The following HDAC9 variants were observed in gnomAD, a reference collection of about 807,000 sequenced individuals.
The protein encoded by HDAC9 is histone deacetylase 9.
In HDAC9, 41 loss-of-function variants were observed where a neutral mutation model predicts 139.4. The observed-to-expected ratio is 0.29, with a 90% CI of 0.23 to 0.38. HDAC9 has a LOEUF of 0.38. HDAC9 is among the 10% of genes least tolerant of loss of function. The pLI, the probability that HDAC9 is intolerant of heterozygous loss-of-function variation, is 1.00. For synonymous variants in HDAC9, 517 were observed against 476.2 expected, an observed-to-expected ratio of 1.09 and a Z score of -1.12; for missense variants, 1,147 against 1,297.0, an observed-to-expected ratio of 0.88 and a Z score of 1.78.
At chr7:18,278,724 G>T (rs151243424) in intron 2 of HDAC9, among the ~76,000 whole-genome samples, 1 of 152,198 alleles carries the variant, frequency 6.6e-6, no homozygotes, top group East Asian at 1.9e-4. Flanking sequence ...AATTTTCTGT[G>T]CTGAAGTCAA....
intron 1 of HDAC9, among the ~76,000 whole-genome samples, chr7:18,366,921 G>T (rs1784227047): frequency 6.6e-6 from 1 of 151,948 alleles, no homozygotes; most frequent in South Asian, 2.1e-4. Flanking sequence ...AAAATGCTTT[G>T]GATGAAGTAT....
chr7:18,318,615 T>C (rs1799817453), intron 1 of HDAC9, among the ~76,000 whole-genome samples: 1 of 152,240 alleles, frequency 6.6e-6, no homozygotes, highest in South Asian at 2.1e-4. Flanking sequence ...CAATTCATCA[T>C]GAATTAGCAA....
rs999229694 is a variant in HDAC9 at position 18,590,568 on chromosome 7, T to A, written c.415+82T>A. On this transcript the variant is annotated intron_variant, in intron 4 of 25. Transcript: ENST00000686413. Reference sequence around the variant, plus strand: ...ATTCAGAACAAAGCCTGATAAAGAGTGCGGTTAGACTCGTCAAAATTATCT... The same window carrying A: ...ATTCAGAACAAAGCCTGATAAAGAGAGCGGTTAGACTCGTCAAAATTATCT... The A allele has an allele frequency of 2.9e-6, 4 of 1,393,800 alleles. No individual in the cohort carries two copies. The African/African-American group carries it at 4.4e-5, about 15-fold the overall frequency. 86.3% of individuals were successfully genotyped at this position (1,393,800 alleles called of 1,614,324 possible).
chr7:18,122,560 A>C (rs1784421451), intron 1 of HDAC9, among the ~76,000 whole-genome samples: 1 of 152,128 alleles, frequency 6.6e-6, no homozygotes, highest in Non-Finnish European at 1.5e-5. Flanking sequence ...GGCAACTTTT[A>C]GTTGTTGGTT....
chr7:18,195,825 G>A (rs1278768632), intron 2 of HDAC9, among the ~76,000 whole-genome samples: 10 of 152,032 alleles, frequency 6.6e-5, no homozygotes, highest in Admixed American at 5.9e-4. Context: ...ATGTATAAAT[G>A]TTTCATCATA....
chr7:18,136,403 C>T (rs1433648799), intron 1 of HDAC9, among the ~76,000 whole-genome samples: 1 of 152,006 alleles, frequency 6.6e-6, no homozygotes, highest in Non-Finnish European at 1.5e-5. Flanking sequence ...AATGGTAATG[C>T]CTAGGTTTTC....
chr7:18,279,819 C>T (rs929910676), intron 2 of HDAC9, among the ~76,000 whole-genome samples: 7 of 151,910 alleles, frequency 4.6e-5, no homozygotes, highest in Admixed American at 3.3e-4. Flanking sequence ...TTCAAAGAGG[C>T]CTGATTCATT....
chr7:18,862,157 T>C (rs1337367358), intron 21 of HDAC9, among the ~76,000 whole-genome samples: 1 of 152,176 alleles, frequency 6.6e-6, no homozygotes. Context: ...AGACACACTT[T>C]AGAATCGTTC....
chr7:18,394,550 A>G lies in HDAC9; in HGVS notation c.-41-101712A>G, dbSNP rs75786026. 6.8e-3 allele frequency among the ~76,000 whole-genome samples: 1,036 copies of G among 152,190 alleles called. 13 individuals carry two copies. Among genetic ancestry groups the G allele is most frequent in the African/African-American group, 0.024 (1,004 of 41,554 alleles). ...GACCCTGTTTTGGAAATTCTGATTC[A>G]GTGGTCCAAGGGGACTGGGCCTGGG... On this transcript the variant is annotated intron_variant, in intron 1 of 3. Coordinates refer to the HDAC9 transcript ENST00000413509.
intron 2 of HDAC9, among the ~76,000 whole-genome samples, chr7:18,568,357 A>C (rs1823148860): frequency 6.6e-6 from 1 of 152,198 alleles, no homozygotes; most frequent in African/African-American, 2.4e-5. Flanking sequence ...GACAATGGCA[A>C]AGCTAACTGT....
intron 1 of HDAC9, among the ~76,000 whole-genome samples, chr7:18,478,546 G>A (rs1342545436): frequency 6.6e-6 from 1 of 152,102 alleles, no homozygotes; most frequent in Non-Finnish European, 1.5e-5. Flanking sequence ...GAATTACAAT[G>A]AGAAAACCTT....
At chr7:18,236,184 C>T (rs1793801852) in intron 2 of HDAC9, among the ~76,000 whole-genome samples, 1 of 152,184 alleles carries the variant, frequency 6.6e-6, no homozygotes, top group South Asian at 2.1e-4. Context: ...TGCATGATCC[C>T]TGAGACCTCC....
chr7:18,839,317 G>A (rs1796437460), intron 21 of HDAC9, among the ~76,000 whole-genome samples: 2 of 151,954 alleles, frequency 1.3e-5, no homozygotes, highest in African/African-American at 4.8e-5. Context: ...TTTGAACTTA[G>A]TTTGTGACTC....
intron 12 of HDAC9, among the ~76,000 whole-genome samples, chr7:18,712,106 G>A (rs968490782): frequency 3.3e-5 from 5 of 152,092 alleles, no homozygotes; most frequent in Non-Finnish European, 5.9e-5. Context: ...CCCATAGCCA[G>A]TCTTTGAATT....
chr7:18,124,530 A>G (rs1425144182), intron 1 of HDAC9, among the ~76,000 whole-genome samples: 2 of 152,148 alleles, frequency 1.3e-5, no homozygotes, highest in Non-Finnish European at 2.9e-5. Context: ...CTTCCCAGAT[A>G]TCTTATGTTT....
Position 18,829,561 on chromosome 7 carries a change from G to T in HDAC9, c.2466+13G>T. The stretch of plus-strand genomic sequence containing the variant: ...GATTGTAGATCTGGTATGTATTCCT[G>T]GCCAGAGCTGCATTTTCAGTGATTC... On this transcript the variant is annotated intron_variant, in intron 19 of 25. Coordinates refer to ENST00000686413, the MANE Select transcript of HDAC9 (RefSeq NM_178425.4). The T allele has an allele frequency of 6.8e-7, 1 of 1,477,354 alleles. No individual in the cohort carries two copies. Among genetic ancestry groups the T allele is most frequent in the Non-Finnish European group, 9.4e-7 (1 of 1,062,806 alleles). 91.5% of individuals were successfully genotyped at this position (1,477,354 alleles called of 1,614,324 possible).
chr7:18,416,385 T>A lies in HDAC9; in HGVS notation c.-41-79877T>A, dbSNP rs139799185. 3.4e-3 allele frequency among the ~76,000 whole-genome samples: 519 copies of A among 152,290 alleles called. 3 individuals carry two copies. The highest frequency in any genetic ancestry group is 0.012 in the African/African-American group (482 of 41,578). On this transcript the variant is annotated intron_variant, in intron 1 of 3. Transcript: ENST00000413509. The stretch of plus-strand genomic sequence containing the variant: ...TATTTTCTGTAGTTTTTTTGTAATA[T>A]CTTTGTCAGGTTTTGATTATTAGAG...
chr7:18,622,365 C>G (rs1187156761), intron 6 of HDAC9, among the ~76,000 whole-genome samples: 1 of 152,088 alleles, frequency 6.6e-6, no homozygotes, highest in Non-Finnish European at 1.5e-5. Context: ...GCCCTGTCAC[C>G]CAGGCTGGAG....
In HDAC9 at chr7:18,749,044, TTTGTGGCAA is replaced by T; in HGVS notation, c.1952_1960del (p.Cys651_Asn653del). On this transcript the variant is annotated inframe_deletion, in exon 14 of 26. Transcript: ENST00000686413. ...CCCTTGATGCTGAAACACCAGTGCG[TTTGTGGCAA>T]TTCCACCACCCACCCTGAGCATGCT... is the stretch of plus-strand genomic sequence containing the variant. 1 of 1,613,670 alleles carries T rather than the reference TTTGTGGCAA, an allele frequency of 6.2e-7. No homozygotes were observed. The highest frequency in any genetic ancestry group is 8.5e-7 in the Non-Finnish European group (1 of 1,179,768).
Sources: allele counts gnomAD v4.1 joint callset (sites outside exome capture counted in the v4.1 genomes callset), GRCh38; gene constraint gnomAD v4.1.1; transcripts MANE v1.5; gene names NCBI Gene and HGNC (gene_info 2026-07-23, HGNC 2026-07-21).